The following SPECC1 variants were observed in gnomAD, a reference collection of about 807,000 sequenced individuals.
The protein encoded by SPECC1 is sperm antigen with calponin homology and coiled-coil domains 1, also known as cytospin-B.
In SPECC1, 62 loss-of-function variants were observed where a neutral mutation model predicts 104.1. The ratio of observed to expected loss-of-function variants is 0.60; its 90% CI spans 0.49 to 0.74. The LOEUF (loss-of-function observed/expected upper bound fraction) is 0.74, where lower values mean the gene tolerates loss of function less well. SPECC1 is among the 30% of genes least tolerant of loss of function. The probability of loss-of-function intolerance (pLI) is 0.00; values close to 1 mark genes in which losing one functional copy is unlikely to be tolerated. For missense variants in SPECC1, 1,306 were observed against 1,310.5 expected (o/e 1.00, Z 0.05); for synonymous variants, 513 against 501.6 (o/e 1.02, Z -0.30).
intron 1 of SPECC1, among the ~76,000 whole-genome samples, chr17:20,045,579 C>T (rs972817336): frequency 6.6e-6 from 1 of 152,176 alleles, no homozygotes; most frequent in South Asian, 2.1e-4. Context: ...GAGTTTCTCT[C>T]TCACATATGG....
chr17:20,086,425 A>C (rs983123322), intron 1 of SPECC1, among the ~76,000 whole-genome samples: 1 of 152,162 alleles, frequency 6.6e-6, no homozygotes, highest in Admixed American at 6.5e-5. Context: ...CACAGCACTC[A>C]GTGTGGTTGG....
At chr17:20,108,228 A>T (rs974121459) in intron 2 of SPECC1, among the ~76,000 whole-genome samples, 1 of 151,378 alleles carries the variant, frequency 6.6e-6, no homozygotes, top group African/African-American at 2.4e-5. Context: ...AAATTACAAA[A>T]AAAAGGAAAA....
At chr17:20,266,035 T>G (rs1254587589) in intron 12 of SPECC1, among the ~76,000 whole-genome samples, 1 of 152,234 alleles carries the variant, frequency 6.6e-6, no homozygotes, top group Non-Finnish European at 1.5e-5. Context: ...TCTTCTTACT[T>G]AAGATTGCTT....
chr17:20,197,680 A>G (rs1297582353), intron 3 of SPECC1, among the ~76,000 whole-genome samples: 2 of 152,246 alleles, frequency 1.3e-5, no homozygotes, highest in African/African-American at 4.8e-5. Flanking sequence ...TCCCAAGGAC[A>G]TAAACAAGGT....
At chr17:20,103,473 C>T (rs940192883) in intron 2 of SPECC1, among the ~76,000 whole-genome samples, 6 of 152,138 alleles carry the variant, frequency 3.9e-5, no homozygotes, top group African/African-American at 1.2e-4. Context: ...TCTAAGTGGA[C>T]GTAGGCTAAA....
intron 3 of SPECC1, among the ~76,000 whole-genome samples, chr17:20,118,483 A>G (rs931208950): frequency 3.9e-5 from 6 of 152,374 alleles, no homozygotes; most frequent in African/African-American, 1.4e-4. Context: ...TACAGGCATG[A>G]AAATGAATAC....
At chr17:20,099,449 G>A (rs1215753055) in intron 2 of SPECC1, among the ~76,000 whole-genome samples, 1 of 146,264 alleles carries the variant, frequency 6.8e-6, no homozygotes, top group Non-Finnish European at 1.5e-5. Flanking sequence ...GAGGTGGATG[G>A]ATCACCTGAG....
intron 12 of SPECC1, among the ~76,000 whole-genome samples, chr17:20,295,146 A>C (rs1189185864): frequency 6.7e-6 from 1 of 148,972 alleles, no homozygotes; most frequent in East Asian, 2.0e-4. Context: ...CATTAGGTAT[A>C]TCTCCTAATG....
intron 12 of SPECC1, among the ~76,000 whole-genome samples, chr17:20,261,844 G>A (rs969434639): frequency 3.3e-5 from 5 of 152,146 alleles, no homozygotes; most frequent in Non-Finnish European, 5.9e-5. Flanking sequence ...CTTGAACTGT[G>A]AGGAAGTGAA....
chr17:20,261,719 G>A (rs1346445986), intron 12 of SPECC1, among the ~76,000 whole-genome samples: 1 of 152,134 alleles, frequency 6.6e-6, no homozygotes, highest in Non-Finnish European at 1.5e-5. Context: ...TGTTTTCTAG[G>A]ACAGTATCTG....
At chr17:20,153,386 G>A (rs1297775207) in intron 3 of SPECC1, among the ~76,000 whole-genome samples, 3 of 152,220 alleles carry the variant, frequency 2.0e-5, no homozygotes. Flanking sequence ...CTTAAGGGTA[G>A]AGGGGAGCCA....
intron 13 of SPECC1, 43 bp downstream of exon 13, chr17:20,297,120 C>T (rs2041379942): frequency 6.4e-7 from 1 of 1,555,414 alleles, no homozygotes; most frequent in Admixed American, 1.7e-5. Context: ...CTAAGAAATG[C>T]AGGAGTCCTA....
intron 2 of SPECC1, among the ~76,000 whole-genome samples, chr17:20,107,997 G>C (rs2048316182): frequency 6.6e-6 from 1 of 152,082 alleles, no homozygotes. Context: ...GCAAGACCTT[G>C]TCTCTAAAAA....
chr17:20,309,803 C>CTTT, intron 14 of SPECC1, among the ~76,000 whole-genome samples: 2 of 123,100 alleles, frequency 1.6e-5, no homozygotes, highest in African/African-American at 3.2e-5. Flanking sequence ...TACTGGTTTT[C>CTTT]TTTCTCCTTT....
chr17:20,107,519 C>T (rs548330139), intron 2 of SPECC1, among the ~76,000 whole-genome samples: 30 of 149,140 alleles, frequency 2.0e-4, no homozygotes, highest in East Asian at 1.4e-3. Flanking sequence ...TGCAGTGGCG[C>T]GATCTCGGCT....
intron 1 of SPECC1, among the ~76,000 whole-genome samples, chr17:20,084,791 T>A (rs1338856780): frequency 6.6e-6 from 1 of 152,042 alleles, no homozygotes; most frequent in African/African-American, 2.4e-5. Flanking sequence ...CTGTCTTTAA[T>A]GTGGACCAGA....
chr17:20,105,101 TC>T (rs1193230267), intron 2 of SPECC1, among the ~76,000 whole-genome samples: 1 of 151,994 alleles, frequency 6.6e-6, no homozygotes, highest in Non-Finnish European at 1.5e-5. Context: ...CTTTTTTTTT[TC>T]GGTGGGGGGG....
At chr17:20,193,188 G>A (rs368287131) in intron 3 of SPECC1, among the ~76,000 whole-genome samples, 3 of 152,180 alleles carry the variant, frequency 2.0e-5, no homozygotes, top group Non-Finnish European at 2.9e-5. Flanking sequence ...TAGTGAGGAC[G>A]ACCAGAGGTC....
intron 8 of SPECC1, among the ~76,000 whole-genome samples, chr17:20,246,564 T>C (rs1264432592): frequency 6.6e-6 from 1 of 152,226 alleles, no homozygotes; most frequent in Non-Finnish European, 1.5e-5. Flanking sequence ...AATCTGTCAC[T>C]CCTGATCTAG....
Sources: allele counts gnomAD v4.1 joint callset (sites outside exome capture counted in the v4.1 genomes callset), GRCh38; gene constraint gnomAD v4.1.1; transcripts MANE v1.5; gene names NCBI Gene and HGNC (gene_info 2026-07-23, HGNC 2026-07-21).